MYLK: variants seen among roughly 807,000 people sequenced by gnomAD.
The protein encoded by MYLK is myosin light chain kinase, also known as myosin light chain kinase, smooth muscle.
MYLK carries 106 observed loss-of-function variants against 203.4 expected under a neutral mutation model. That is an observed-to-expected ratio of 0.52 (90% CI 0.45 to 0.61). The LOEUF (loss-of-function observed/expected upper bound fraction) is 0.61. Ranked by LOEUF, MYLK falls within the 20% of genes least tolerant of loss-of-function variation. The pLI is 0.00. For synonymous variants in MYLK, 867 were observed against 959.5 expected, an observed-to-expected ratio of 0.90 and a Z score of 1.78; for missense variants, 2,072 against 2,442.3, an observed-to-expected ratio of 0.85 and a Z score of 3.20.
chr3:123,765,173 T>C (rs1036327274), intron 4 of MYLK, among the ~76,000 whole-genome samples: 1 of 152,154 alleles, frequency 6.6e-6, no homozygotes, highest in Non-Finnish European at 1.5e-5. Context: ...CATTATCATA[T>C]GATCCAGCAA....
chr3:123,758,541 TG>T (rs2063432818), intron 4 of MYLK, among the ~76,000 whole-genome samples: 2 of 152,292 alleles, frequency 1.3e-5, no homozygotes, highest in South Asian at 4.1e-4. Flanking sequence ...TCACTTCCTA[TG>T]GCATGCTTTC....
chr3:123,878,279 A>AT (rs997622780), intron 1 of MYLK, among the ~76,000 whole-genome samples: 3 of 152,174 alleles, frequency 2.0e-5, no homozygotes, highest in Non-Finnish European at 4.4e-5. Context: ...TGTCCATTTA[A>AT]AGGTGCACAA....
intron 24 of MYLK, among the ~76,000 whole-genome samples, chr3:123,651,667 G>A (rs1212017019): frequency 6.6e-6 from 1 of 152,186 alleles, no homozygotes; most frequent in Non-Finnish European, 1.5e-5. Context: ...CTTGCCAATG[G>A]CCCGGCAGCA....
At chr3:123,847,216 T>C (rs1010416194) in intron 2 of MYLK, among the ~76,000 whole-genome samples, 1 of 152,168 alleles carries the variant, frequency 6.6e-6, no homozygotes, top group Non-Finnish European at 1.5e-5. Flanking sequence ...ATGTAGACTA[T>C]ATGCAAATAC....
intron 23 of MYLK, among the ~76,000 whole-genome samples, chr3:123,658,876 G>A (rs561841184): frequency 4.6e-5 from 7 of 152,176 alleles, no homozygotes; most frequent in South Asian, 4.2e-4. Flanking sequence ...CAGCCCTGCC[G>A]ATCCACATTC....
chr3:123,809,019 G>A (rs2065465174), intron 3 of MYLK, among the ~76,000 whole-genome samples: 1 of 152,150 alleles, frequency 6.6e-6, no homozygotes. Flanking sequence ...GAGTGGACTG[G>A]AGTTCAAAGG....
At position 123,668,007 on chromosome 3, in the gene MYLK, C is replaced by T. The variant is rs140682774; in HGVS notation, c.3653-820G>A. On this transcript the variant is annotated intron_variant, in intron 20 of 33. Coordinates refer to ENST00000360304, the MANE Select transcript of MYLK (RefSeq NM_053025.4). ...TGGATGAATGAATAAATGGTCTCCT[C>T]CCTTCTTACTCTTACTTCCTCCAAA... Among the ~76,000 whole-genome samples, 287 of 152,300 alleles carry T rather than the reference C, an allele frequency of 1.9e-3. 4 individuals are homozygous for T. Among genetic ancestry groups the T allele is most frequent in the East Asian group, 0.018 (93 of 5,180 alleles).
intron 29 of MYLK, among the ~76,000 whole-genome samples, chr3:123,633,829 C>G (rs557290759): frequency 6.6e-6 from 1 of 151,720 alleles, no homozygotes; most frequent in Non-Finnish European, 1.5e-5. Flanking sequence ...ACTACACTTT[C>G]TGTGTGTGTG....
At chr3:123,759,296 G>T (rs1314974036) in intron 4 of MYLK, among the ~76,000 whole-genome samples, 1 of 152,008 alleles carries the variant, frequency 6.6e-6, no homozygotes, top group Non-Finnish European at 1.5e-5. Flanking sequence ...AAAACTTTGG[G>T]GTTCTGGCTG....
In MYLK at chr3:123,615,661, T is replaced by TG. The variant is rs1360200618; in HGVS notation, c.5501-1313_5501-1312insC. On this transcript the variant is annotated intron_variant, in intron 33 of 33. Coordinates refer to ENST00000360304, the MANE Select transcript of MYLK (RefSeq NM_053025.4). Reference sequence around the variant, plus strand: ...AAAATACAATTTTCTATCTTTTTTTTTTTTTGAGACAGAGTCTCACTATGT... The same window carrying TG: ...AAAATACAATTTTCTATCTTTTTTTTGTTTTTGAGACAGAGTCTCACTATGT... 1.1e-4 allele frequency among the ~76,000 whole-genome samples: 17 copies of TG among 150,812 alleles called. No homozygotes were observed. The South Asian group carries it at 3.4e-3, about 30-fold the overall frequency.
chr3:123,847,030 G>A (rs902063301), intron 2 of MYLK, among the ~76,000 whole-genome samples: 17 of 151,736 alleles, frequency 1.1e-4, no homozygotes, highest in Non-Finnish European at 2.2e-4. Context: ...CTGCACCCAC[G>A]GCTTCAACCA....
chr3:123,847,042 C>A (rs1302363652), intron 2 of MYLK, among the ~76,000 whole-genome samples: 1 of 152,042 alleles, frequency 6.6e-6, no homozygotes, highest in Non-Finnish European at 1.5e-5. Flanking sequence ...CTTCAACCAA[C>A]TGCAAATCCA....
chr3:123,676,636 G>A (rs1209025086), intron 20 of MYLK, among the ~76,000 whole-genome samples: 5 of 152,200 alleles, frequency 3.3e-5, no homozygotes, highest in Non-Finnish European at 7.3e-5. Flanking sequence ...TGAAGCTCAG[G>A]CCAAGGCCAG....
intron 3 of MYLK, among the ~76,000 whole-genome samples, chr3:123,810,876 A>G (rs936810333): frequency 1.3e-5 from 2 of 152,100 alleles, no homozygotes; most frequent in Non-Finnish European, 2.9e-5. Flanking sequence ...GCCATCTGCA[A>G]TGATGGGTGA....
chr3:123,804,050 C>A (rs1025610959), intron 3 of MYLK, among the ~76,000 whole-genome samples: 4 of 152,234 alleles, frequency 2.6e-5, no homozygotes, highest in Non-Finnish European at 4.4e-5. Flanking sequence ...ACTTAGAACT[C>A]ATTTAATCCC....
chr3:123,701,360 T>C, intron 17 of MYLK, 78 bp downstream of exon 17: 2 of 1,455,644 alleles, frequency 1.4e-6, no homozygotes, highest in Non-Finnish European at 1.9e-6. Context: ...CTAGGGCTGC[T>C]GGGCTGGAGC....
intron 4 of MYLK, among the ~76,000 whole-genome samples, chr3:123,774,990 C>G (rs7632380): frequency 6.6e-6 from 1 of 151,970 alleles, no homozygotes; most frequent in Non-Finnish European, 1.5e-5. Context: ...AGTGCCTACT[C>G]TAATAGGGAA....
intron 1 of MYLK, among the ~76,000 whole-genome samples, chr3:123,882,520 G>C (rs1475263259): frequency 6.6e-6 from 1 of 152,224 alleles, no homozygotes; most frequent in African/African-American, 2.4e-5. Flanking sequence ...GAACATGGGA[G>C]ATAAACCAGC....
chr3:123,830,412 G>A (rs1426996055), intron 3 of MYLK, among the ~76,000 whole-genome samples: 1 of 152,118 alleles, frequency 6.6e-6, no homozygotes, highest in African/African-American at 2.4e-5. Context: ...TTAATGTTAT[G>A]GGATTTATTT....
Sources: allele counts gnomAD v4.1 joint callset (sites outside exome capture counted in the v4.1 genomes callset), GRCh38; gene constraint gnomAD v4.1.1; transcripts MANE v1.5; gene names NCBI Gene and HGNC (gene_info 2026-07-23, HGNC 2026-07-21).